RBPJ: variants seen among roughly 807,000 people sequenced by gnomAD.
The protein encoded by RBPJ is recombining binding protein suppressor of hairless.
A neutral mutation model predicts 67.8 loss-of-function variants in RBPJ; 9 were observed. The ratio of observed to expected loss-of-function variants is 0.13; its 90% confidence interval spans 0.08 to 0.23. RBPJ has a LOEUF of 0.23. Among genes scored for constraint, RBPJ ranks in the 10% least tolerant of loss-of-function variants. The pLI, the probability that RBPJ is intolerant of heterozygous loss-of-function variation, is 1.00. For synonymous variants in RBPJ, 198 were observed against 203.3 expected, an observed-to-expected ratio of 0.97 and a Z score of 0.22; for missense variants, 305 against 595.6, an observed-to-expected ratio of 0.51 and a Z score of 5.08.
rs185061242 is a variant in RBPJ, at chr4:26,179,486, A to C, written c.-167+15872A>C. 1.2e-4 allele frequency among the ~76,000 whole-genome samples: 18 copies of C among 152,132 alleles called. No individual in the cohort carries two copies. The East Asian group carries it at 1.4e-3, about 12-fold the overall frequency. On this transcript the variant is annotated intron_variant, in intron 1 of 4. Transcript: ENST00000512351. Reference sequence around the variant, plus strand: ...GTAATATGAATAAGTGAACTGTCGCAAATGAGTCCATTCACGCAAGTACTT... The same window carrying C: ...GTAATATGAATAAGTGAACTGTCGCCAATGAGTCCATTCACGCAAGTACTT...
At chr4:26,192,600 T>C (rs961864420) in intron 1 of RBPJ, among the ~76,000 whole-genome samples, 1 of 152,214 alleles carries the variant, frequency 6.6e-6, no homozygotes, top group African/African-American at 2.4e-5. Flanking sequence ...TTCTCAACTC[T>C]ATGAGGTGGG....
chr4:26,150,429 G>A, the RBPJ span, among the ~76,000 whole-genome samples: 1 of 152,136 alleles, frequency 6.6e-6, no homozygotes, highest in Non-Finnish European at 1.5e-5. Context: ...TTAGTAGTAT[G>A]GCTTTGCCTA....
rs141979966 is a variant in RBPJ at position 26,265,015 on chromosome 4, G to A, written c.-166-97431G>A. Among the ~76,000 whole-genome samples, 10 of 152,214 alleles carry A rather than the reference G, an allele frequency of 6.6e-5. No homozygotes were observed. In the East Asian group the frequency reaches 1.7e-3, roughly 26 times the overall value. On this transcript the variant is annotated intron_variant, in intron 1 of 4. Transcript: ENST00000512351. ...TGAAGTATTTATACCCTATTCATAG[G>A]GAAGAGAAAAATAGGGGTATAGGCA...
At chr4:26,353,419 G>A (rs1451772958) in intron 1 of RBPJ, among the ~76,000 whole-genome samples, 1 of 152,140 alleles carries the variant, frequency 6.6e-6, no homozygotes, top group Non-Finnish European at 1.5e-5. Flanking sequence ...CCACTTAAAT[G>A]TCTCTTCCTG....
At chr4:26,358,020 C>CGTGTGTGTGT (rs4069724) in intron 1 of RBPJ, among the ~76,000 whole-genome samples, 2,582 of 145,090 alleles carry the variant, frequency 0.018, 22 homozygotes, top group African/African-American at 0.024. Flanking sequence ...AGGGGGTATT[C>CGTGTGTGTGT]GTGTGTGTGT....
At chr4:26,116,003 T>A in the RBPJ span, among the ~76,000 whole-genome samples, 13 of 152,194 alleles carry the variant, frequency 8.5e-5, no homozygotes, top group Admixed American at 8.5e-4. Flanking sequence ...ACAGGCACCA[T>A]GAATTGAATT....
intron 1 of RBPJ, among the ~76,000 whole-genome samples, chr4:26,191,210 T>TAGAGAGAGAG (rs545388933): frequency 1.6e-3 from 42 of 26,830 alleles, no homozygotes; most frequent in Admixed American, 2.8e-3. Flanking sequence ...TATATATATA[T>TAGAGAGAGAG]AGAGAGAGAG....
At chr4:26,265,959 C>T (rs2109256229) in intron 1 of RBPJ, among the ~76,000 whole-genome samples, 1 of 152,118 alleles carries the variant, frequency 6.6e-6, no homozygotes, top group East Asian at 1.9e-4. Flanking sequence ...CTGCCTAAAA[C>T]TGGGAGGCAG....
At chr4:26,315,099 C>T (rs1439463418), upstream of RBPJ, among the ~76,000 whole-genome samples, 2 of 131,306 alleles carry the variant, frequency 1.5e-5, no homozygotes, top group East Asian at 4.9e-4. Flanking sequence ...GCACGGAGAT[C>T]GTGCCACTGC....
At chr4:26,254,047 G>A (rs1419134083) in intron 1 of RBPJ, among the ~76,000 whole-genome samples, 2 of 148,478 alleles carry the variant, frequency 1.3e-5, no homozygotes, top group East Asian at 3.9e-4. Flanking sequence ...ACAAGTTTGG[G>A]AACATGCCCC....
upstream of RBPJ, among the ~76,000 whole-genome samples, chr4:26,316,450 CAT>C (rs1194372061): frequency 2.2e-5 from 3 of 136,564 alleles, no homozygotes; most frequent in African/African-American, 5.9e-5. Context: ...CATATACATT[CAT>C]ATATACATTC....
intron 2 of RBPJ, among the ~76,000 whole-genome samples, chr4:26,395,013 G>A (rs1731974065): frequency 6.6e-6 from 1 of 152,142 alleles, no homozygotes; most frequent in African/African-American, 2.4e-5. Flanking sequence ...CCCATCTTCT[G>A]TTAGCCTCCC....
chr4:26,430,006 C>T lies in RBPJ; in HGVS notation c.997C>T (p.Pro333Ser). ...AEYTFYEGMGPVLAPVTPVPV... is the reference protein window; with the variant it reads ...AEYTFYEGMGSVLAPVTPVPV... The stretch of plus-strand genomic sequence containing the variant: ...GTATACATTTTATGAGGGAATGGGC[C>T]CTGTCCTTGCCCCAGTCACTCCTGT... The change falls in exon 9 of 11, where the codon CCT becomes TCT. Residue 333 changes from proline to serine, a missense_variant. Around this residue, in one of 7 missense-constraint regions of RBPJ, gnomAD observed 16 missense variants for 17.1 expected, o/e 0.94. Coordinates refer to ENST00000355476, the MANE Select transcript of RBPJ (RefSeq NM_015874.6). This position sits in a 1 kb window ranked among gnomAD's most constrained non-coding sequence, Gnocchi z 4.1. 3 of 1,614,032 alleles carry T rather than the reference C, an allele frequency of 1.9e-6. No individual in the cohort carries two copies. Among genetic ancestry groups the T allele is most frequent in the Non-Finnish European group, 2.5e-6 (3 of 1,179,976 alleles).
chr4:26,123,925 A>T, the RBPJ span, among the ~76,000 whole-genome samples: 1 of 152,144 alleles, frequency 6.6e-6, no homozygotes, highest in African/African-American at 2.4e-5. Context: ...TTTTACAGTT[A>T]ACTTTTTTTT....
At chr4:26,261,557 C>T (rs1720537779) in intron 1 of RBPJ, among the ~76,000 whole-genome samples, 2 of 152,052 alleles carry the variant, frequency 1.3e-5, no homozygotes, top group South Asian at 2.1e-4. Context: ...TAAAATTATT[C>T]CAAATGAAAT....
At chr4:26,161,120 C>T (rs905394769), upstream of RBPJ, among the ~76,000 whole-genome samples, 1 of 152,228 alleles carries the variant, frequency 6.6e-6, no homozygotes, top group African/African-American at 2.4e-5. Flanking sequence ...GTGACAGTTC[C>T]AAGCCTCGGC....
At chr4:26,201,511 C>T (rs1717980147) in intron 1 of RBPJ, among the ~76,000 whole-genome samples, 1 of 152,034 alleles carries the variant, frequency 6.6e-6, no homozygotes, top group African/African-American at 2.4e-5. Flanking sequence ...GGACTTTATC[C>T]TCATTTTCCA....
chr4:26,378,975 A>G (rs976912989), intron 1 of RBPJ, among the ~76,000 whole-genome samples: 3 of 152,134 alleles, frequency 2.0e-5, no homozygotes, highest in Non-Finnish European at 4.4e-5. Context: ...GCAGTGAGCC[A>G]AGATTGTGCC....
At chr4:26,191,180 AATATATATATAT>A (rs1245359104) in intron 1 of RBPJ, among the ~76,000 whole-genome samples, 60 of 59,660 alleles carry the variant, frequency 1.0e-3, no homozygotes, top group African/African-American at 3.1e-3. Flanking sequence ...AAAAAAAAAA[AATATATATATAT>A]ATATATATAT....
Sources: gnomAD v4.1 joint callset for allele counts (sites outside exome capture counted in the v4.1 genomes callset) on GRCh38, gnomAD v4.1.1 for gene constraint, gnomAD v4.1.1 regional missense constraint, Gnocchi (gnomAD v3.1) non-coding constraint, MANE v1.5 for transcripts, NCBI Gene and HGNC (gene_info 2026-07-23, HGNC 2026-07-21) for gene names.